The following SENP6 variants were observed in gnomAD, a reference collection of about 807,000 sequenced individuals.
The protein encoded by SENP6 is sentrin-specific protease 6.
Under a neutral mutation model 134.5 loss-of-function variants are expected in SENP6, and 41 were observed. The observed-to-expected ratio is 0.30, with a 90% CI of 0.24 to 0.40. SENP6 has a LOEUF of 0.40. Among genes scored for constraint, SENP6 ranks in the 10% least tolerant of loss-of-function variants. The probability of loss-of-function intolerance (pLI) is 1.00; values close to 1 mark genes in which losing one functional copy is unlikely to be tolerated. For missense variants in SENP6, 1,248 were observed against 1,312.5 expected (o/e 0.95, Z 0.76); for synonymous variants, 395 against 429.8 (o/e 0.92, Z 1.00).
At chr6:75,690,713 G>A (rs1774178707) in intron 16 of SENP6, among the ~76,000 whole-genome samples, 2 of 145,096 alleles carry the variant, frequency 1.4e-5, no homozygotes, top group African/African-American at 5.2e-5. Context: ...TTTTTTTTGA[G>A]ATGAGAGTCT....
chr6:75,609,014 T>C (rs1767241882), intron 1 of SENP6, among the ~76,000 whole-genome samples: 1 of 152,228 alleles, frequency 6.6e-6, no homozygotes, highest in Admixed American at 6.5e-5. Flanking sequence ...AATTACATAC[T>C]TTGTATGTCT....
rs781367089 is a variant in SENP6, at chr6:75,676,030, T to C, written c.1597T>C (p.Cys533Arg). 6.2e-7 allele frequency: 1 copy of C among 1,601,628 alleles called. No individual in the cohort carries two copies. The highest frequency in any genetic ancestry group is 1.1e-5 in the South Asian group (1 of 88,830). Residue 533 changes from cysteine (C) to arginine (R), a missense_variant, in exon 13 of 24, where the codon TGT becomes CGT. By Grantham distance (180) the Cys-to-Arg change is radical (BLOSUM62 -3). This residue lies in a region of SENP6 where 733 missense variants were observed against 725.4 expected (regional missense o/e 1.01). Transcript: ENST00000447266. The stretch of plus-strand genomic sequence containing the variant: ...TAAGGAGGATAAAGTTTGGAATGAT[T>C]GTAAAGGAGTAAATAAATTAACAAG... ...MNKEDKVWND[C>R]KGVNKLTNLE...
At chr6:75,675,543 A>G (rs1217792660) in intron 12 of SENP6, 75 bp downstream of exon 12, 2 of 897,894 alleles carry the variant, frequency 2.2e-6, no homozygotes, top group Non-Finnish European at 3.4e-6. Flanking sequence ...AAAAGATTAA[A>G]TAATATTCAT....
chr6:75,701,670 C>A (rs71561437), intron 18 of SENP6, among the ~76,000 whole-genome samples: 1 of 115,726 alleles, frequency 8.6e-6, no homozygotes, highest in Non-Finnish European at 1.6e-5. Context: ...GACGGAGTCT[C>A]GCTCTGTCGC....
chr6:75,665,272 T>G, intron 9 of SENP6, among the ~76,000 whole-genome samples: 1 of 146,284 alleles, frequency 6.8e-6, no homozygotes, highest in Non-Finnish European at 1.5e-5. Context: ...GGTGACAGAG[T>G]GAGACTCCGT....
rs1056965055 is a variant in SENP6, at chr6:75,602,274, G to T, written c.-251G>T. ...CGCCGTCGTCGTCGTCGCCGGTCGCGTTCCCCCGGAGAGGCCTGAGAAGCT... is the reference window on the plus strand; with the variant it reads ...CGCCGTCGTCGTCGTCGCCGGTCGCTTTCCCCCGGAGAGGCCTGAGAAGCT... On this transcript the variant is annotated 5_prime_UTR_variant, in exon 1 of 24. Coordinates refer to ENST00000447266, the MANE Select transcript of SENP6 (RefSeq NM_015571.4). 2.6e-6 allele frequency: 1 copy of T among 382,770 alleles called. No individual in the cohort carries two copies. The highest frequency in any genetic ancestry group is 2.1e-5 in the African/African-American group (1 of 47,628). 23.7% of individuals were successfully genotyped at this position (382,770 alleles called of 1,614,324 possible). A position where few individuals can be genotyped will look rare whatever the true frequency, so the allele number is the denominator to read the frequency against.
rs1766711722 is a variant in SENP6 at position 75,602,593 on chromosome 6, C to T, written c.52+17C>T. On this transcript the variant is annotated intron_variant, in intron 1 of 23. Transcript: ENST00000447266. ...TTCTGGAAGGTACGTCTGTTTCTGC[C>T]CTTGACGGGGAGAAGGGAGGGTATA... 6.4e-7 allele frequency: 1 copy of T among 1,550,720 alleles called. No individual in the cohort carries two copies.
chr6:75,705,925 C>CTTTTTTTTTTTTTTTTTTTTTTT (rs71544062), intron 19 of SENP6, among the ~76,000 whole-genome samples: 1 of 47,974 alleles, frequency 2.1e-5, no homozygotes, highest in African/African-American at 1.1e-4. Context: ...ATTTTTGAGC[C>CTTTTTTTTTTTTTTTTTTTTTTT]TTTTTTTTTT....
At chr6:75,625,822 T>C (rs1389162115) in intron 3 of SENP6, among the ~76,000 whole-genome samples, 1 of 152,162 alleles carries the variant, frequency 6.6e-6, no homozygotes, top group Non-Finnish European at 1.5e-5. Context: ...TGAGCTGAGA[T>C]TGCGCCACTG....
At chr6:75,602,832 C>T (rs1315464823) in intron 1 of SENP6, among the ~76,000 whole-genome samples, 3 of 152,122 alleles carry the variant, frequency 2.0e-5, no homozygotes, top group South Asian at 4.1e-4. Context: ...TGGTGGGCGT[C>T]CTTTGAGAGT....
intron 20 of SENP6, 35 bp downstream of exon 20, chr6:75,709,665 T>A: frequency 6.7e-7 from 1 of 1,499,044 alleles, no homozygotes; most frequent in Non-Finnish European, 9.3e-7. Flanking sequence ...GTTCTAATGT[T>A]TTATCTAATT....
Position 75,663,427 on chromosome 6 carries a change from T to C in SENP6, c.903T>C (p.Thr301=). The C allele has an allele frequency of 6.2e-7, 1 of 1,613,418 alleles. No homozygotes were observed. The highest frequency in any genetic ancestry group is 1.1e-5 in the South Asian group (1 of 90,954). Residue 301 remains threonine (T), a synonymous_variant, in exon 9 of 24, where the codon ACT becomes ACC. Coordinates refer to ENST00000447266, the MANE Select transcript of SENP6 (RefSeq NM_015571.4). Reference sequence around the variant, plus strand: ...ACAGTAAACACACTTATTTACAGACTAATGGAAAAGTCATTTTACCTGGGG... The same window carrying C: ...ACAGTAAACACACTTATTTACAGACCAATGGAAAAGTCATTTTACCTGGGG... ...CDDSKHTYLQ[T]NGKVILPGAK... is the part of the protein sequence containing the mutation.
Position 75,713,716 on chromosome 6 carries a change from G to C in SENP6, c.3020G>C (p.Arg1007Thr). 6.2e-7 allele frequency: 1 copy of C among 1,613,078 alleles called. No individual in the cohort carries two copies. Among genetic ancestry groups the C allele is most frequent in the Non-Finnish European group, 8.5e-7 (1 of 1,179,410 alleles). The part of the protein sequence containing the change: ...VEWEVKKGSK[R>T]SFSKDVMKGS... Reference sequence around the variant, plus strand: ...TGGGAAGTTAAAAAAGGAAGCAAAAGAAGTTTTTCCAAAGATGTTATGAAG... The same window carrying C: ...TGGGAAGTTAAAAAAGGAAGCAAAACAAGTTTTTCCAAAGATGTTATGAAG... Residue 1007 changes from arginine to threonine, a missense_variant, in exon 23 of 24, where the codon AGA becomes ACA. Around this residue, in one of 3 missense-constraint regions of SENP6, gnomAD observed 386 missense variants for 395.0 expected, o/e 0.98. Coordinates refer to ENST00000447266, the MANE Select transcript of SENP6 (RefSeq NM_015571.4).
chr6:75,664,517 A>G (rs1023153287), intron 9 of SENP6, among the ~76,000 whole-genome samples: 1 of 152,170 alleles, frequency 6.6e-6, no homozygotes, highest in African/African-American at 2.4e-5. Context: ...TCTACAGAGA[A>G]GAGAAATTGA....
At chr6:75,710,536 C>G (rs1175890998) in intron 20 of SENP6, among the ~76,000 whole-genome samples, 1 of 152,136 alleles carries the variant, frequency 6.6e-6, no homozygotes, top group Non-Finnish European at 1.5e-5. Flanking sequence ...GAACAAAAGG[C>G]ATTTTAAGAT....
At chr6:75,616,098 A>G (rs1261657129) in intron 1 of SENP6, among the ~76,000 whole-genome samples, 1 of 151,796 alleles carries the variant, frequency 6.6e-6, no homozygotes, top group African/African-American at 2.4e-5. Flanking sequence ...TCCTCTTTCC[A>G]TTATTGTCAT....
At chr6:75,640,456 T>A (rs537422300) in intron 5 of SENP6, among the ~76,000 whole-genome samples, 2 of 146,152 alleles carry the variant, frequency 1.4e-5, no homozygotes, top group African/African-American at 4.9e-5. Context: ...AAGATTTTTT[T>A]ATATTTTTGT....
chr6:75,659,761 T>G (rs185352431), intron 8 of SENP6, among the ~76,000 whole-genome samples: 19 of 152,306 alleles, frequency 1.2e-4, no homozygotes, highest in Admixed American at 5.9e-4. Flanking sequence ...TGCTTTATTG[T>G]CCTCACTCTC....
chr6:75,608,251 A>T (rs1487270834), intron 1 of SENP6, among the ~76,000 whole-genome samples: 1 of 152,152 alleles, frequency 6.6e-6, no homozygotes, highest in Non-Finnish European at 1.5e-5. Context: ...GCTTGAGCCC[A>T]GGAGTTCAAG....
Sources: gnomAD v4.1 joint callset for allele counts (sites outside exome capture counted in the v4.1 genomes callset) on GRCh38, gnomAD v4.1.1 for gene constraint, gnomAD v4.1.1 regional missense constraint, MANE v1.5 for transcripts, NCBI Gene and HGNC (gene_info 2026-07-23, HGNC 2026-07-21) for gene names.